DKK2: variants seen among roughly 807,000 people sequenced by gnomAD.
DKK2 encodes the protein dickkopf Wnt signaling pathway inhibitor 2.
Under a neutral mutation model 28.1 loss-of-function variants are expected in DKK2, and 11 were observed. The ratio of observed to expected loss-of-function variants is 0.39; its 90% CI spans 0.25 to 0.65. The LOEUF is 0.65. Among genes scored for constraint, DKK2 ranks in the 30% least tolerant of loss-of-function variants. DKK2 has a pLI of 0.47. For missense variants in DKK2, 326 were observed against 335.5 expected (o/e 0.97, Z 0.22); for synonymous variants, 135 against 126.5 (o/e 1.07, Z -0.45).
chr4:107,030,505 A>T (rs1299364953), intron 1 of DKK2, among the ~76,000 whole-genome samples: 1 of 152,036 alleles, frequency 6.6e-6, no homozygotes, highest in South Asian at 2.1e-4. Context: ...GGCAGACACA[A>T]ATATCACATA....
chr4:106,970,164 C>A (rs976593748), intron 1 of DKK2, among the ~76,000 whole-genome samples: 8 of 151,976 alleles, frequency 5.3e-5, no homozygotes, highest in Non-Finnish European at 1.0e-4. Context: ...AAAATAGGGA[C>A]AATATTGTTG....
intron 1 of DKK2, among the ~76,000 whole-genome samples, chr4:106,971,412 A>T (rs1722866830): frequency 6.6e-6 from 1 of 152,132 alleles, no homozygotes; most frequent in South Asian, 2.1e-4. Context: ...GTGCTGGAAG[A>T]GGAAATAACT....
chr4:106,995,376 T>C (rs1334580958), intron 1 of DKK2, among the ~76,000 whole-genome samples: 1 of 152,188 alleles, frequency 6.6e-6, no homozygotes, highest in Admixed American at 6.5e-5. Context: ...TCATTTGTTG[T>C]CTTAGTTTTG....
chr4:107,024,656 C>T (rs1378251867), intron 1 of DKK2, among the ~76,000 whole-genome samples: 1 of 152,092 alleles, frequency 6.6e-6, no homozygotes, highest in African/African-American at 2.4e-5. Context: ...AAAATAACCT[C>T]TAATGATGTT....
chr4:107,018,170 G>T (rs190478195), intron 1 of DKK2, among the ~76,000 whole-genome samples: 2 of 152,192 alleles, frequency 1.3e-5, no homozygotes, highest in African/African-American at 4.8e-5. Flanking sequence ...AGCTGTTTTT[G>T]TTAAGTCAGT....
intron 1 of DKK2, among the ~76,000 whole-genome samples, chr4:107,013,558 A>G (rs543359346): frequency 6.6e-6 from 1 of 151,588 alleles, no homozygotes; most frequent in South Asian, 2.1e-4. Flanking sequence ...TAACTACTTA[A>G]TTCAGTTACA....
chr4:106,952,970 TAAAC>T (rs1722503436), intron 1 of DKK2, among the ~76,000 whole-genome samples: 1 of 152,220 alleles, frequency 6.6e-6, no homozygotes, highest in South Asian at 2.1e-4. Context: ...ATGCAAAACT[TAAAC>T]AAAGTACTTT....
At chr4:107,013,569 C>T (rs1261051086) in intron 1 of DKK2, among the ~76,000 whole-genome samples, 2 of 151,356 alleles carry the variant, frequency 1.3e-5, no homozygotes, top group South Asian at 4.1e-4. Flanking sequence ...TTCAGTTACA[C>T]CTGAAATTAT....
intron 1 of DKK2, among the ~76,000 whole-genome samples, chr4:106,952,752 G>T (rs1341048112): frequency 6.6e-6 from 1 of 152,020 alleles, no homozygotes; most frequent in Non-Finnish European, 1.5e-5. Context: ...AGAAGTCATT[G>T]GTCAACTACT....
intron 1 of DKK2, among the ~76,000 whole-genome samples, chr4:107,022,969 C>G (rs1433363161): frequency 6.6e-6 from 1 of 151,960 alleles, no homozygotes; most frequent in African/African-American, 2.4e-5. Context: ...GAAATAAATA[C>G]TGTTTTTAGT....
chr4:106,966,255 ATAATTGTGACTCTGC>A (rs1722779721), intron 1 of DKK2, among the ~76,000 whole-genome samples: 1 of 152,150 alleles, frequency 6.6e-6, no homozygotes, highest in African/African-American at 2.4e-5. Flanking sequence ...ATTTGATGCA[ATAATTGTGACTCTGC>A]TAAAAAAGTT....
In DKK2 at chr4:106,952,186, C is replaced by G. The variant is rs145208326; in HGVS notation, c.223-26237G>C. Among the ~76,000 whole-genome samples, 289 of 152,160 alleles carry G rather than the reference C, an allele frequency of 1.9e-3. 3 individuals are homozygous for G. The highest frequency in any genetic ancestry group is 6.8e-3 in the Middle Eastern group (2 of 294). On this transcript the variant is annotated intron_variant, in intron 1 of 3. Coordinates refer to ENST00000285311, the MANE Select transcript of DKK2 (RefSeq NM_014421.3). ...AAATGAATTGCTAAGCTGTTCTTTC[C>G]TATAAAAAGTAAAAATCTATTTACC...
rs367767165 is a variant in DKK2, at chr4:107,020,330, C to T, written c.222+15040G>A. ...GTCCAGGACCCATTTGGAAATGTAACTTCAAGAGGATTTTTCTTGTTAAAA... is the reference window on the plus strand; with the variant it reads ...GTCCAGGACCCATTTGGAAATGTAATTTCAAGAGGATTTTTCTTGTTAAAA... On this transcript the variant is annotated intron_variant, in intron 1 of 3. Transcript: ENST00000285311. 5.9e-5 allele frequency among the ~76,000 whole-genome samples: 9 copies of T among 152,100 alleles called. 1 individual carries two copies. Among genetic ancestry groups the T allele is most frequent in the Admixed American group, 5.9e-4 (9 of 15,260 alleles).
chr4:106,990,871 A>G (rs1723194169), intron 1 of DKK2, among the ~76,000 whole-genome samples: 1 of 152,132 alleles, frequency 6.6e-6, no homozygotes, highest in East Asian at 1.9e-4. Flanking sequence ...GCTCAAAATT[A>G]AAAGACCTGT....
At chr4:106,961,716 C>T (rs1048844667) in intron 1 of DKK2, among the ~76,000 whole-genome samples, 3 of 152,126 alleles carry the variant, frequency 2.0e-5, no homozygotes, top group African/African-American at 7.2e-5. Context: ...TTCAGACAGG[C>T]CAGCAGTCAA....
chr4:106,948,653 T>A (rs1011274923), intron 1 of DKK2, among the ~76,000 whole-genome samples: 2 of 152,190 alleles, frequency 1.3e-5, no homozygotes, highest in African/African-American at 2.4e-5. Context: ...TTATAGTACA[T>A]CTGAGGAAAC....
At chr4:106,974,697 T>C (rs1328481417) in intron 1 of DKK2, among the ~76,000 whole-genome samples, 1 of 152,192 alleles carries the variant, frequency 6.6e-6, no homozygotes, top group Non-Finnish European at 1.5e-5. Flanking sequence ...ACAGAGACAA[T>C]TTGACTTCCT....
rs1578378263 is a variant in DKK2 at position 107,012,760 on chromosome 4, T to C, written c.222+22610A>G. 5.3e-5 allele frequency among the ~76,000 whole-genome samples: 8 copies of C among 151,260 alleles called. 2 individuals are homozygous for C. The highest frequency in any genetic ancestry group is 5.3e-4 in the Admixed American group (8 of 15,146). On this transcript the variant is annotated intron_variant, in intron 1 of 3. Transcript: ENST00000285311. ...TATCATGATATTGCAGCATATGCTC[T>C]CTATAAATTACTTTTAAAATAACAC... is the stretch of plus-strand genomic sequence containing the variant.
intron 1 of DKK2, among the ~76,000 whole-genome samples, chr4:106,935,184 T>G (rs113269581): frequency 6.6e-6 from 1 of 152,208 alleles, no homozygotes; most frequent in Non-Finnish European, 1.5e-5. Flanking sequence ...CGGTGATTTC[T>G]GCATTTCCAT....
Sources: allele counts gnomAD v4.1 joint callset (sites outside exome capture counted in the v4.1 genomes callset), GRCh38; gene constraint gnomAD v4.1.1; transcripts MANE v1.5; gene names NCBI Gene and HGNC (gene_info 2026-07-23, HGNC 2026-07-21).